MYRIP: variants seen among roughly 807,000 people sequenced by gnomAD.
MYRIP encodes myosin VIIA and Rab interacting protein, also known as rab effector MyRIP.
A neutral mutation model predicts 98.0 loss-of-function variants in MYRIP; 49 were observed. The observed-to-expected ratio is 0.50, with a 90% CI of 0.40 to 0.63. The LOEUF (loss-of-function observed/expected upper bound fraction) is 0.63. MYRIP is among the 30% of genes least tolerant of loss of function. The probability of loss-of-function intolerance (pLI) is 0.00; values close to 1 mark genes in which losing one functional copy is unlikely to be tolerated. For synonymous variants in MYRIP, 404 were observed against 409.5 expected (o/e 0.99, Z 0.16); for missense variants, 1,004 against 1,058.2 (o/e 0.95, Z 0.71).
At chr3:40,051,932 G>T (rs1947802371) in intron 3 of MYRIP, among the ~76,000 whole-genome samples, 2 of 151,468 alleles carry the variant, frequency 1.3e-5, no homozygotes, top group Non-Finnish European at 2.9e-5. Context: ...GTATTTTGAG[G>T]GTATGTGTGA....
chr3:39,988,922 A>G (rs1268138546), intron 2 of MYRIP, among the ~76,000 whole-genome samples: 1 of 151,708 alleles, frequency 6.6e-6, no homozygotes, highest in Non-Finnish European at 1.5e-5. Flanking sequence ...GTAGCCCTCT[A>G]TCAAGGGTTT....
chr3:40,199,768 G>A (rs767863150), intron 10 of MYRIP, among the ~76,000 whole-genome samples: 29 of 152,136 alleles, frequency 1.9e-4, no homozygotes, highest in Admixed American at 7.2e-4. Flanking sequence ...TAAAGGGAAG[G>A]CAGCAGAGTG....
At chr3:40,160,727 G>A (rs967025627) in intron 4 of MYRIP, among the ~76,000 whole-genome samples, 8 of 152,228 alleles carry the variant, frequency 5.3e-5, no homozygotes, top group South Asian at 2.1e-4. Flanking sequence ...TCGGAAAAGC[G>A]CAGTATTCGG....
intron 1 of MYRIP, among the ~76,000 whole-genome samples, chr3:39,836,902 C>G (rs145901589): frequency 6.6e-6 from 1 of 152,166 alleles, no homozygotes; most frequent in Non-Finnish European, 1.5e-5. Flanking sequence ...TTGACCTCCC[C>G]GCCAGAGGGC....
intron 2 of MYRIP, among the ~76,000 whole-genome samples, chr3:39,982,831 G>A (rs796615222): frequency 1.8e-4 from 27 of 152,100 alleles, no homozygotes; most frequent in African/African-American, 6.5e-4. Flanking sequence ...AGACTATATC[G>A]TGGTACATTG....
At chr3:40,204,203 T>G (rs376873513) in intron 10 of MYRIP, among the ~76,000 whole-genome samples, 1 of 37,340 alleles carries the variant, frequency 2.7e-5, no homozygotes, top group African/African-American at 8.0e-5. Flanking sequence ...TATTATATTA[T>G]ATATTTATAT....
chr3:39,986,223 C>G (rs919351349), intron 2 of MYRIP, among the ~76,000 whole-genome samples: 1 of 152,166 alleles, frequency 6.6e-6, no homozygotes, highest in Non-Finnish European at 1.5e-5. Flanking sequence ...TGACCTGAAA[C>G]TCGTCATTAG....
At position 39,845,225 on chromosome 3, in the gene MYRIP, T is replaced by TG. The variant is rs982457145; in HGVS notation, c.-31+35310dup. On this transcript the variant is annotated intron_variant, in intron 1 of 16. Coordinates refer to ENST00000302541, the MANE Select transcript of MYRIP (RefSeq NM_015460.4). The stretch of plus-strand genomic sequence containing the variant: ...AGCTGGAGAGGTAGAGTGCTACCTC[T>TG]GTCTCATTGCAAGGCCTGGATGGGG... Among the ~76,000 whole-genome samples, 28 of 152,274 alleles carry TG rather than the reference T, an allele frequency of 1.8e-4. 1 individual carries two copies. The highest frequency in any genetic ancestry group is 6.5e-4 in the Admixed American group (10 of 15,288).
At chr3:39,951,813 C>G (rs561855029) in intron 2 of MYRIP, among the ~76,000 whole-genome samples, 17 of 152,238 alleles carry the variant, frequency 1.1e-4, no homozygotes, top group African/African-American at 4.1e-4. Flanking sequence ...AAATGCTTCT[C>G]TCATAGACAG....
intron 3 of MYRIP, among the ~76,000 whole-genome samples, chr3:40,109,005 G>C (rs755524442): frequency 6.6e-6 from 1 of 152,114 alleles, no homozygotes; most frequent in South Asian, 2.1e-4. Context: ...CTTTACCTCA[G>C]AGCCTACTGT....
In MYRIP at chr3:40,218,629, TATATA is replaced by T. The variant is rs1559460596; in HGVS notation, c.1905+8537_1905+8541del. Among the ~76,000 whole-genome samples the T allele has an allele frequency of 9.4e-3, 213 of 22,678 alleles. 6 individuals are homozygous for T. Among genetic ancestry groups the T allele is most frequent in the Admixed American group, 0.037 (44 of 1,204 alleles). 14.9% of individuals were successfully genotyped at this position (22,678 alleles called of 152,430 possible). On this transcript the variant is annotated intron_variant, in intron 11 of 16. Coordinates refer to ENST00000302541, the MANE Select transcript of MYRIP (RefSeq NM_015460.4). ...TATATATTTTATATATATATATATA[TATATA>T]TATATATATATATATATATATACAT...
intron 2 of MYRIP, among the ~76,000 whole-genome samples, chr3:39,962,387 G>T (rs1172525737): frequency 2.0e-5 from 3 of 151,646 alleles, no homozygotes; most frequent in Non-Finnish European, 1.5e-5. Context: ...CTGTCAGTCT[G>T]CTGGGACATA....
intron 7 of MYRIP, 56 bp from the exon 8 acceptor site, chr3:40,169,894 A>T: frequency 1.2e-6 from 2 of 1,610,564 alleles, no homozygotes; most frequent in Non-Finnish European, 1.7e-6. Flanking sequence ...GTTACTCCAC[A>T]TAGCATCAGG....
intron 2 of MYRIP, among the ~76,000 whole-genome samples, chr3:39,928,053 A>G (rs1315593092): frequency 6.6e-6 from 1 of 152,052 alleles, no homozygotes; most frequent in African/African-American, 2.4e-5. Flanking sequence ...AGAGCTATAT[A>G]CACATATAAA....
At chr3:40,005,346 T>G (rs1397485628) in intron 2 of MYRIP, among the ~76,000 whole-genome samples, 1 of 152,260 alleles carries the variant, frequency 6.6e-6, no homozygotes, top group African/African-American at 2.4e-5. Flanking sequence ...CAGTTCTAAG[T>G]CAGTATTTGT....
intron 3 of MYRIP, among the ~76,000 whole-genome samples, chr3:40,086,553 G>T (rs766489247): frequency 7.2e-5 from 11 of 152,190 alleles, no homozygotes; most frequent in Non-Finnish European, 1.2e-4. Context: ...CAGGACATGC[G>T]GTGTGAGCTG....
chr3:40,095,426 C>A (rs1341407197), intron 3 of MYRIP, among the ~76,000 whole-genome samples: 1 of 152,154 alleles, frequency 6.6e-6, no homozygotes, highest in Admixed American at 6.5e-5. Context: ...TGTCATACTT[C>A]CAGACACCCA....
At chr3:40,237,459 T>C (rs1952855150) in intron 12 of MYRIP, among the ~76,000 whole-genome samples, 1 of 152,162 alleles carries the variant, frequency 6.6e-6, no homozygotes, top group Admixed American at 6.5e-5. Context: ...TGTCAAATAT[T>C]AGGCGTTTGG....
At chr3:40,036,816 C>T (rs1947395661) in intron 2 of MYRIP, among the ~76,000 whole-genome samples, 1 of 152,048 alleles carries the variant, frequency 6.6e-6, no homozygotes, top group Non-Finnish European at 1.5e-5. Context: ...CAATATTAAG[C>T]ATAATTTTTG....
Sources: gnomAD v4.1 joint callset for allele counts (sites outside exome capture counted in the v4.1 genomes callset) on GRCh38, gnomAD v4.1.1 for gene constraint, MANE v1.5 for transcripts, NCBI Gene and HGNC (gene_info 2026-07-23, HGNC 2026-07-21) for gene names.